ZFAND3: variants seen among roughly 807,000 people sequenced by gnomAD.
ZFAND3 encodes zinc finger AN1-type containing 3, also known as AN1-type zinc finger protein 3.
In ZFAND3, 10 loss-of-function variants were observed where a neutral mutation model predicts 29.6. The ratio of observed to expected loss-of-function variants is 0.34; its 90% CI spans 0.21 to 0.57. The LOEUF is 0.57. Ranked by LOEUF, ZFAND3 falls within the 20% of genes least tolerant of loss-of-function variation. The probability of loss-of-function intolerance (pLI) is 0.86; values close to 1 mark genes in which losing one functional copy is unlikely to be tolerated. For synonymous variants in ZFAND3, 128 were observed against 112.6 expected, an observed-to-expected ratio of 1.14 and a Z score of -0.87; for missense variants, 230 against 304.5, an observed-to-expected ratio of 0.76 and a Z score of 1.82.
At chr6:37,838,170 T>A (rs980871910) in intron 1 of ZFAND3, among the ~76,000 whole-genome samples, 5 of 152,238 alleles carry the variant, frequency 3.3e-5, no homozygotes, top group Non-Finnish European at 5.9e-5. Context: ...AGTGCTGATA[T>A]TTGGCTTATC....
chr6:38,146,872 T>C (rs1766119911), intron 5 of ZFAND3, among the ~76,000 whole-genome samples: 2 of 152,192 alleles, frequency 1.3e-5, no homozygotes, highest in South Asian at 2.1e-4. Flanking sequence ...TGCTGAACGA[T>C]AGGGCCATAA....
intron 5 of ZFAND3, among the ~76,000 whole-genome samples, chr6:38,138,074 C>T (rs774905331): frequency 2.5e-4 from 38 of 151,702 alleles, no homozygotes; most frequent in Non-Finnish European, 5.0e-4. Flanking sequence ...GCACTGGGGA[C>T]GCGGAGGTGG....
chr6:38,092,687 C>G (rs539974568), intron 4 of ZFAND3, among the ~76,000 whole-genome samples: 1 of 152,212 alleles, frequency 6.6e-6, no homozygotes, highest in East Asian at 1.9e-4. Flanking sequence ...ACATGAGCAC[C>G]TAGTACTTGG....
chr6:37,866,930 T>C (rs1213747006), intron 1 of ZFAND3, among the ~76,000 whole-genome samples: 2 of 152,200 alleles, frequency 1.3e-5, no homozygotes, highest in Non-Finnish European at 1.5e-5. Context: ...ACTAAGGACC[T>C]GGGATGCTCA....
intron 3 of ZFAND3, among the ~76,000 whole-genome samples, chr6:38,072,904 A>T (rs996736661): frequency 5.3e-5 from 8 of 152,372 alleles, no homozygotes; most frequent in Middle Eastern, 3.4e-3. Flanking sequence ...AGGAATTTTT[A>T]AAATTCTGAA....
At chr6:37,943,948 T>G (rs1263879775) in intron 2 of ZFAND3, among the ~76,000 whole-genome samples, 2 of 152,194 alleles carry the variant, frequency 1.3e-5, no homozygotes, top group Non-Finnish European at 2.9e-5. Flanking sequence ...AAGATGAGAC[T>G]AGAAATAAAT....
At chr6:37,932,867 A>G (rs1743544439) in intron 2 of ZFAND3, among the ~76,000 whole-genome samples, 4 of 152,208 alleles carry the variant, frequency 2.6e-5, no homozygotes, top group Admixed American at 2.6e-4. Context: ...TAAAGAAAAT[A>G]TTCGCTTCTC....
chr6:38,133,430 A>G (rs970428772), intron 5 of ZFAND3, among the ~76,000 whole-genome samples: 5 of 152,074 alleles, frequency 3.3e-5, no homozygotes, highest in African/African-American at 1.2e-4. Context: ...CCTGTACTTG[A>G]GTTATATCAT....
chr6:37,982,026 C>T (rs371195093), intron 2 of ZFAND3, among the ~76,000 whole-genome samples: 243 of 152,220 alleles, frequency 1.6e-3, no homozygotes, highest in African/African-American at 5.5e-3. Flanking sequence ...TCACAGAATA[C>T]GCCATTTACA....
chr6:37,970,596 A>T (rs1762369328), intron 2 of ZFAND3, among the ~76,000 whole-genome samples: 1 of 152,116 alleles, frequency 6.6e-6, no homozygotes, highest in Admixed American at 6.5e-5. Context: ...TCTCCCCGTG[A>T]TTTTAAAAAA....
intron 5 of ZFAND3, among the ~76,000 whole-genome samples, chr6:38,119,527 A>C (rs935740628): frequency 1.3e-5 from 2 of 152,228 alleles, no homozygotes; most frequent in Non-Finnish European, 2.9e-5. Context: ...CTTAAGAGCC[A>C]TTGCTATATA....
intron 2 of ZFAND3, among the ~76,000 whole-genome samples, chr6:37,947,733 A>AT (rs11320749): frequency 8.2e-4 from 125 of 151,616 alleles, no homozygotes; most frequent in African/African-American, 2.9e-3. Flanking sequence ...AGTTGTACAC[A>AT]TTTTTTTTTT....
intron 2 of ZFAND3, among the ~76,000 whole-genome samples, chr6:38,013,660 T>C (rs1561966351): frequency 6.6e-6 from 1 of 152,076 alleles, no homozygotes; most frequent in Non-Finnish European, 1.5e-5. Context: ...TTTCAAATGG[T>C]GTGTAGGTGC....
At chr6:38,135,212 A>G (rs931532315) in intron 5 of ZFAND3, among the ~76,000 whole-genome samples, 12 of 152,226 alleles carry the variant, frequency 7.9e-5, no homozygotes, top group African/African-American at 2.7e-4. Flanking sequence ...ACTGTTGGGA[A>G]AAGGGGCTAG....
intron 2 of ZFAND3, among the ~76,000 whole-genome samples, chr6:38,012,440 G>A (rs1006775610): frequency 3.4e-5 from 5 of 148,148 alleles, no homozygotes; most frequent in East Asian, 2.1e-4. Flanking sequence ...GTGCAGTGGC[G>A]CGATCTTGGC....
chr6:37,860,380 G>T (rs1197841980), intron 1 of ZFAND3, among the ~76,000 whole-genome samples: 1 of 151,994 alleles, frequency 6.6e-6, no homozygotes, highest in East Asian at 1.9e-4. Context: ...TCAAAAATTT[G>T]TTAGCCATAA....
At chr6:38,049,445 C>G (rs1763975813) in intron 2 of ZFAND3, among the ~76,000 whole-genome samples, 1 of 151,990 alleles carries the variant, frequency 6.6e-6, no homozygotes, top group African/African-American at 2.4e-5. Context: ...AGTAACTTGC[C>G]CAAGGTTACA....
chr6:37,938,503 C>T (rs1395193405), intron 2 of ZFAND3, among the ~76,000 whole-genome samples: 1 of 152,138 alleles, frequency 6.6e-6, no homozygotes, highest in African/African-American at 2.4e-5. Flanking sequence ...TTTTCTCTCT[C>T]TCTTTTTTTC....
At position 38,003,433 on chromosome 6, in the gene ZFAND3, TA is replaced by T. The variant is rs531266944; in HGVS notation, c.113-58159del. ...AATAATTAAAACAGCTTGTACATTG[TA>T]TTTTATTATAAATGCAATTAATGAA... On this transcript the variant is annotated intron_variant, in intron 2 of 5. Transcript: ENST00000287218. The T allele has an allele frequency of 6.7e-5, 11 of 163,134 alleles. No homozygotes were observed. The South Asian group carries it at 9.1e-4, about 13-fold the overall frequency. The allele number at this position is 163,134 out of a possible 1,614,324, so 10.1% of individuals were successfully genotyped here. A position where few individuals can be genotyped will look rare whatever the true frequency, so the allele number is the denominator to read the frequency against.
Sources: allele counts gnomAD v4.1 joint callset (sites outside exome capture counted in the v4.1 genomes callset), GRCh38; gene constraint gnomAD v4.1.1; transcripts MANE v1.5; gene names NCBI Gene and HGNC (gene_info 2026-07-23, HGNC 2026-07-21).